Variants in MPDZ observed in about 807,000 individuals in gnomAD.
The protein encoded by MPDZ is multiple PDZ domain protein.
A neutral mutation model predicts 239.1 loss-of-function variants in MPDZ; 234 were observed. That is an observed-to-expected ratio of 0.98 (90% CI 0.88 to 1.09). The LOEUF (loss-of-function observed/expected upper bound fraction) is 1.09, where lower values mean the gene tolerates loss of function less well. Among genes scored for constraint, MPDZ ranks in the 50% least tolerant of loss-of-function variants. The pLI, the probability that MPDZ is intolerant of heterozygous loss-of-function variation, is 0.00. For synonymous variants in MPDZ, 1,048 were observed against 881.3 expected, an observed-to-expected ratio of 1.19 and a Z score of -3.35; for missense variants, 3,175 against 2,510.0, an observed-to-expected ratio of 1.26 and a Z score of -5.66.
intron 8 of MPDZ, among the ~76,000 whole-genome samples, chr9:13,218,025 G>A (rs1211119209): frequency 6.6e-6 from 1 of 151,826 alleles, no homozygotes; most frequent in African/African-American, 2.4e-5. Flanking sequence ...TTAGCATGGT[G>A]TCAGCAGATC....
rs1948040411 is a variant in MPDZ at position 13,143,617 on chromosome 9, C to T, written c.3742-53G>A. ...CGCAAAGGAAATGTATTGAAAACAA[C>T]TCAGTTTTAAAAGCAAAGTACATAC... On this transcript the variant is annotated intron_variant, in intron 26 of 46. Coordinates refer to ENST00000319217, the MANE Select transcript of MPDZ (RefSeq NM_001378778.1). 20 of 1,465,588 alleles carry T rather than the reference C, an allele frequency of 1.4e-5. No homozygotes were observed. The South Asian group carries it at 1.9e-4, about 14-fold the overall frequency. The allele number at this position is 1,465,588 out of a possible 1,614,324, so 90.8% of individuals were successfully genotyped here.
In MPDZ at chr9:13,279,401, C is replaced by G. The variant is rs1369604677; in HGVS notation, c.-59G>C. ...GGCCGGGGCTCAAGCGCCGCTTACC[C>G]GGCTCGCGGCGCCCGCCCAGGGCCG... On this transcript the variant is annotated splice_region_variant and 5_prime_UTR_variant, in exon 1 of 47. Coordinates refer to ENST00000319217, the MANE Select transcript of MPDZ (RefSeq NM_001378778.1). The G allele has an allele frequency of 4.1e-5, 6 of 146,652 alleles. No individual in the cohort carries two copies. Among genetic ancestry groups the G allele is most frequent in the Admixed American group, 6.7e-5 (1 of 14,834 alleles). 9.1% of individuals were successfully genotyped at this position (146,652 alleles called of 1,614,324 possible).
intron 30 of MPDZ, 143 bp from the exon 31 acceptor site, chr9:13,136,325 CTTT>C (rs869272418): frequency 0.031 from 4,834 of 154,880 alleles, 13 homozygotes; most frequent in Middle Eastern, 0.072. Flanking sequence ...CAAACGTTTT[CTTT>C]TTTTTTTTTT....
chr9:13,200,061 A>G (rs1157702603), intron 12 of MPDZ, among the ~76,000 whole-genome samples: 6 of 152,002 alleles, frequency 3.9e-5, no homozygotes, highest in African/African-American at 1.4e-4. Context: ...AGAATTCTGC[A>G]GTGAAGTTTA....
chr9:13,188,312 G>T lies in MPDZ; in HGVS notation c.2364+472C>A, dbSNP rs188762565. ...GTAGGGGGATCACTTGAGGTAAGGA[G>T]TTCGAGACCAGCCTGGCCAACATGG... On this transcript the variant is annotated intron_variant, in intron 17 of 46. Coordinates refer to ENST00000319217, the MANE Select transcript of MPDZ (RefSeq NM_001378778.1). 5.6e-4 allele frequency among the ~76,000 whole-genome samples: 85 copies of T among 152,186 alleles called. No individual in the cohort carries two copies. The East Asian group carries it at 0.01, about 18-fold the overall frequency.
chr9:13,224,918 AC>A (rs1270976921), intron 3 of MPDZ, among the ~76,000 whole-genome samples: 1 of 152,114 alleles, frequency 6.6e-6, no homozygotes, highest in Non-Finnish European at 1.5e-5. Flanking sequence ...CTATGAAGTA[AC>A]CTCTAAACTC....
chr9:13,238,626 C>A (rs1588039064), intron 3 of MPDZ, among the ~76,000 whole-genome samples: 1 of 152,142 alleles, frequency 6.6e-6, no homozygotes, highest in Non-Finnish European at 1.5e-5. Context: ...CCCCAGACAA[C>A]AATGCTACTT....
At chr9:13,108,906 A>AATTTGCAATAAAAATTTTGC in intron 46 of MPDZ, 30 bp downstream of exon 46, 1 of 1,604,896 alleles carries the variant, frequency 6.2e-7, no homozygotes, top group Non-Finnish European at 8.5e-7. Flanking sequence ...GTTTAGGGGA[A>AATTTGCAATAAAAATTTTGC]AAGAGGGTGG....
chr9:13,233,397 A>G (rs1051094784), intron 3 of MPDZ, among the ~76,000 whole-genome samples: 2 of 152,166 alleles, frequency 1.3e-5, no homozygotes, highest in Non-Finnish European at 2.9e-5. Flanking sequence ...AAGACAAGAC[A>G]AAGAAGTCAG....
At chr9:13,267,733 G>C (rs921820708) in intron 1 of MPDZ, among the ~76,000 whole-genome samples, 1 of 152,162 alleles carries the variant, frequency 6.6e-6, no homozygotes, top group African/African-American at 2.4e-5. Context: ...AATAATTGAG[G>C]AAGCTGAAAG....
intron 22 of MPDZ, among the ~76,000 whole-genome samples, chr9:13,164,242 A>G (rs906703758): frequency 2.6e-5 from 4 of 152,230 alleles, no homozygotes; most frequent in African/African-American, 7.2e-5. Flanking sequence ...AAAAAGTTGC[A>G]TTCCAATTCT....
chr9:13,246,422 G>T (rs1854663), intron 3 of MPDZ, among the ~76,000 whole-genome samples: 1 of 152,084 alleles, frequency 6.6e-6, no homozygotes, highest in African/African-American at 2.4e-5. Flanking sequence ...AACCTGAGTG[G>T]CAGAATGAGA....
At chr9:13,239,619 A>T (rs965813353) in intron 3 of MPDZ, among the ~76,000 whole-genome samples, 38 of 152,160 alleles carry the variant, frequency 2.5e-4, no homozygotes, top group African/African-American at 8.4e-4. Flanking sequence ...TCTGGCAAGG[A>T]AAGATAAATA....
Position 13,189,323 on chromosome 9 carries a change from G to A in MPDZ, c.2155-330C>T, listed in dbSNP as rs374352642. On this transcript the variant is annotated intron_variant, in intron 16 of 46. Coordinates refer to ENST00000319217, the MANE Select transcript of MPDZ (RefSeq NM_001378778.1). Reference sequence around the variant, plus strand: ...AACTATTATTGGAGGCCAGATGTTGGGTATATTAATTATTAACAAAAGCAT... The same window carrying A: ...AACTATTATTGGAGGCCAGATGTTGAGTATATTAATTATTAACAAAAGCAT... Among the ~76,000 whole-genome samples the A allele has an allele frequency of 3.3e-5, 5 of 151,868 alleles. No homozygotes were observed. The South Asian group carries it at 8.3e-4, about 25-fold the overall frequency.
intron 24 of MPDZ, among the ~76,000 whole-genome samples, chr9:13,153,001 T>G (rs985592118): frequency 4.6e-5 from 7 of 152,130 alleles, no homozygotes; most frequent in African/African-American, 1.4e-4. Flanking sequence ...GATGAGACCC[T>G]GCAATCTGCT....
chr9:13,179,242 A>C (rs1284656875), intron 19 of MPDZ, among the ~76,000 whole-genome samples: 1 of 152,082 alleles, frequency 6.6e-6, no homozygotes, highest in Non-Finnish European at 1.5e-5. Flanking sequence ...CCCTCACCCA[A>C]CTTTGATAAT....
At chr9:13,264,404 C>T (rs1971348650) in intron 1 of MPDZ, among the ~76,000 whole-genome samples, 1 of 151,884 alleles carries the variant, frequency 6.6e-6, no homozygotes, top group African/African-American at 2.4e-5. Context: ...TGCTTACGCT[C>T]GACTATAAAG....
chr9:13,165,631 T>C (rs1184111399), intron 22 of MPDZ: 1 of 439,370 alleles, frequency 2.3e-6, no homozygotes, highest in Non-Finnish European at 4.0e-6. Flanking sequence ...TGAAAAAATG[T>C]AACTGCAATC....
chr9:13,110,336 A>T (rs889842056), intron 44 of MPDZ, among the ~76,000 whole-genome samples: 1 of 152,158 alleles, frequency 6.6e-6, no homozygotes, highest in African/African-American at 2.4e-5. Context: ...CTTTTTAAAG[A>T]TCTTTAGAAT....
Sources: allele counts gnomAD v4.1 joint callset (sites outside exome capture counted in the v4.1 genomes callset), GRCh38; gene constraint gnomAD v4.1.1; transcripts MANE v1.5; gene names NCBI Gene and HGNC (gene_info 2026-07-23, HGNC 2026-07-21).